Variants in C9orf78 observed in about 807,000 individuals in gnomAD.
C9orf78 encodes splicing factor C9orf78.
A neutral mutation model predicts 37.4 loss-of-function variants in C9orf78; 19 were observed. The ratio of observed to expected loss-of-function variants is 0.51; its 90% CI spans 0.35 to 0.74. The LOEUF is 0.74. C9orf78 is among the 30% of genes least tolerant of loss of function. The pLI is 0.01. For missense variants in C9orf78, 291 were observed against 370.8 expected, an observed-to-expected ratio of 0.78 and a Z score of 1.77; for synonymous variants, 130 against 128.0, an observed-to-expected ratio of 1.02 and a Z score of -0.10.
chr9:129,832,732 G>C (rs2031533273), intron 4 of C9orf78, among the ~76,000 whole-genome samples: 1 of 152,098 alleles, frequency 6.6e-6, no homozygotes, highest in East Asian at 1.9e-4. Flanking sequence ...AGCCACCGCA[G>C]CTGGCCTGAA....
At chr9:129,828,466 C>G in intron 8 of C9orf78, 2 of 394,786 alleles carry the variant, frequency 5.1e-6, no homozygotes, top group South Asian at 2.2e-5. Flanking sequence ...CCCTGTTGCC[C>G]AGGCTAGAGT....
chr9:129,828,910 C>CTTTTAT (rs2031414603), intron 8 of C9orf78: 1 of 471,406 alleles, frequency 2.1e-6, no homozygotes, highest in Admixed American at 3.3e-5. Flanking sequence ...TTATGAGTAG[C>CTTTTAT]TTTTATTTGT....
intron 5 of C9orf78, 101 bp downstream of exon 5, chr9:129,831,792 ACAT>A (rs1393646961): frequency 5.3e-6 from 4 of 753,658 alleles, no homozygotes; most frequent in Admixed American, 1.8e-5. Context: ...GCCAACTTTG[ACAT>A]CTTCTAGAAA....
intron 6 of C9orf78, 32 bp from the exon 7 acceptor site, chr9:129,829,573 A>G: frequency 6.2e-7 from 1 of 1,602,698 alleles, no homozygotes. Flanking sequence ...ACCACTTAGA[A>G]GATGATAGCA....
At chr9:129,833,005 GTGTGTGTGTGTATATGTGTATATACA>G (rs1460282885) in intron 4 of C9orf78, among the ~76,000 whole-genome samples, 1 of 142,836 alleles carries the variant, frequency 7.0e-6, no homozygotes, top group African/African-American at 2.5e-5. Flanking sequence ...ATATGTGTGT[GTGTGTGTGTGTATATGTGTATATACA>G]TGTGTGTATA....
chr9:129,833,735 A>AG, intron 2 of C9orf78, 26 bp from the exon 3 acceptor site: 3 of 1,551,352 alleles, frequency 1.9e-6, no homozygotes, highest in Non-Finnish European at 2.7e-6. Context: ...AAAAAAAGAG[A>AG]GGGGGAGAGA....
At chr9:129,834,852 G>C in intron 1 of C9orf78, 86 bp from the exon 2 acceptor site, 1 of 1,065,658 alleles carries the variant, frequency 9.4e-7, no homozygotes, top group Non-Finnish European at 1.4e-6. Flanking sequence ...AGGCACCTTC[G>C]AGGGCATCCC....
intron 4 of C9orf78, among the ~76,000 whole-genome samples, chr9:129,832,965 A>ACG (rs533490722): frequency 2.6e-5 from 4 of 151,092 alleles, no homozygotes; most frequent in South Asian, 4.2e-4. Context: ...ATATACACAC[A>ACG]CATATATATA....
chr9:129,833,508 A>C lies in C9orf78; in HGVS notation c.205T>G (p.Phe69Val). ...QEETTLVDDP[F>V]QMKTGGMVDM... ...ACCATACCACCTGTCTTCATCTGAA[A>C]GGGATCATCCTGCAGAAAGCAAACA... The change falls in exon 4 of 9, where the codon TTT (phenylalanine) becomes GTT (valine). Residue 69 changes from phenylalanine (F) to valine (V), a missense_variant. Physicochemically the swap from Phe to Val is conservative, Grantham distance 50 (BLOSUM62 -1). This residue lies in a region of C9orf78 where 158 missense variants were observed against 174.8 expected (regional missense o/e 0.90). Transcript: ENST00000372447. 1 of 1,602,814 alleles carries C rather than the reference A, an allele frequency of 6.2e-7. No homozygotes were observed. Among genetic ancestry groups the C allele is most frequent in the South Asian group, 1.1e-5 (1 of 90,846 alleles).
chr9:129,833,178 C>G (rs548050817), intron 4 of C9orf78, among the ~76,000 whole-genome samples: 1 of 150,024 alleles, frequency 6.7e-6, no homozygotes, highest in African/African-American at 2.4e-5. Flanking sequence ...CTCAAGCTAA[C>G]CTCAGCCTCC....
chr9:129,831,186 A>C, intron 5 of C9orf78, 118 bp from the exon 6 acceptor site: 1 of 694,216 alleles, frequency 1.4e-6, no homozygotes, highest in Non-Finnish European at 2.6e-6. Flanking sequence ...GAGAAACGAG[A>C]AAAAAAATAA....
At chr9:129,833,775 G>C in intron 2 of C9orf78, 66 bp from the exon 3 acceptor site, 1 of 1,162,588 alleles carries the variant, frequency 8.6e-7, no homozygotes, top group Non-Finnish European at 1.3e-6. Context: ...AGATAAGGAG[G>C]AACCCTCTCA....
chr9:129,834,673 C>T lies in C9orf78; in HGVS notation c.143+34G>A, dbSNP rs375570750. The T allele has an allele frequency of 9.8e-6, 15 of 1,536,436 alleles. No individual in the cohort carries two copies. In the African/African-American group the frequency reaches 1.5e-4, roughly 15 times the overall value. ...CGGACGCGGATGTGTCTGTCGTCCCCGCCGCCTCCTCCTCCTCCCCGCGTG... is the reference window on the plus strand; with the variant it reads ...CGGACGCGGATGTGTCTGTCGTCCCTGCCGCCTCCTCCTCCTCCCCGCGTG... On this transcript the variant is annotated intron_variant, in intron 2 of 8. Coordinates refer to ENST00000372447, the MANE Select transcript of C9orf78 (RefSeq NM_016520.3).
At chr9:129,833,357 G>T in intron 4 of C9orf78, 90 bp downstream of exon 4, 1 of 746,104 alleles carries the variant, frequency 1.3e-6, no homozygotes, top group Non-Finnish European at 2.4e-6. Context: ...TCCTACTAAT[G>T]CTGCTGCTAC....
chr9:129,833,405 C>A, intron 4 of C9orf78, 42 bp downstream of exon 4: 2 of 1,184,840 alleles, frequency 1.7e-6, no homozygotes, highest in Non-Finnish European at 2.5e-6. Context: ...ACCCAGGCAG[C>A]CGCTAAAGGT....
chr9:129,830,683 TG>T (rs2031470614), intron 6 of C9orf78, 187 bp downstream of exon 6: 1 of 551,020 alleles, frequency 1.8e-6, no homozygotes, highest in African/African-American at 1.9e-5. Flanking sequence ...AGCTAATTTT[TG>T]TATTTTTAGT....
chr9:129,828,736 T>G, intron 8 of C9orf78: 1 of 246,350 alleles, frequency 4.1e-6, no homozygotes, highest in Non-Finnish European at 8.1e-6. Context: ...ACCTTTTTCT[T>G]TTCTTTAAAA....
intron 1 of C9orf78, 134 bp downstream of exon 1, chr9:129,835,005 C>T (rs1217695303): frequency 5.0e-6 from 4 of 799,126 alleles, no homozygotes; most frequent in Non-Finnish European, 8.2e-6. Flanking sequence ...CCTTGAGCCT[C>T]AATTTCTGCG....
intron 2 of C9orf78, 187 bp downstream of exon 2, chr9:129,834,520 C>G (rs1251586596): frequency 1.8e-6 from 1 of 551,900 alleles, no homozygotes; most frequent in East Asian, 3.1e-5. Context: ...CACCCCGAGA[C>G]GACACAGCTC....
Sources: allele counts gnomAD v4.1 joint callset (sites outside exome capture counted in the v4.1 genomes callset), GRCh38; gene constraint gnomAD v4.1.1; regional missense constraint gnomAD v4.1.1; transcripts MANE v1.5; gene names NCBI Gene and HGNC (gene_info 2026-07-23, HGNC 2026-07-21).